Variants in RSRC1 observed in about 807,000 individuals in gnomAD.
The protein encoded by RSRC1 is serine/Arginine-related protein 53.
Under a neutral mutation model 49.1 loss-of-function variants are expected in RSRC1, and 39 were observed. The ratio of observed to expected loss-of-function variants is 0.79; its 90% CI spans 0.61 to 1.04. RSRC1 has a LOEUF of 1.04. RSRC1 is among the 50% of genes least tolerant of loss of function. The pLI is 0.00. For synonymous variants in RSRC1, 143 were observed against 130.8 expected (o/e 1.09, Z -0.63); for missense variants, 388 against 402.4 (o/e 0.96, Z 0.31).
intron 3 of RSRC1, among the ~76,000 whole-genome samples, chr3:158,163,481 G>A (rs1192937740): frequency 1.3e-5 from 2 of 152,164 alleles, no homozygotes; most frequent in East Asian, 1.9e-4. Flanking sequence ...TAGAAGATAG[G>A]TACAGCAAAA....
At chr3:158,256,289 G>A (rs1333107888) in intron 4 of RSRC1, among the ~76,000 whole-genome samples, 2 of 152,038 alleles carry the variant, frequency 1.3e-5, no homozygotes, top group African/African-American at 4.8e-5. Context: ...GAATTTTGTC[G>A]ATGGCCTTTT....
rs185988880 is a variant in RSRC1, at chr3:158,341,168, A to G, written c.532-13689A>G. On this transcript the variant is annotated intron_variant, in intron 5 of 9. Coordinates refer to ENST00000611884, the MANE Select transcript of RSRC1 (RefSeq NM_001271838.2). ...GCCTGACTACGCAATAGAAAAAAAA[A>G]CATTCTCTGGGGAGAAATTCAAGCT... Among the ~76,000 whole-genome samples, 349 of 152,304 alleles carry G rather than the reference A, an allele frequency of 2.3e-3. 1 individual carries two copies. Among genetic ancestry groups the G allele is most frequent in the Admixed American group, 3.9e-3 (59 of 15,308 alleles).
At chr3:158,251,114 GA>G (rs1724187937) in intron 4 of RSRC1, among the ~76,000 whole-genome samples, 1 of 152,068 alleles carries the variant, frequency 6.6e-6, no homozygotes, top group Non-Finnish European at 1.5e-5. Flanking sequence ...CACCTTTGTT[GA>G]AAATGAGTTC....
chr3:158,518,148 ATT>A (rs72132266), intron 7 of RSRC1, among the ~76,000 whole-genome samples: 3,175 of 43,778 alleles, frequency 0.073, 87 homozygotes, highest in Middle Eastern at 0.17. Flanking sequence ...ATATATATAT[ATT>A]TTTTTTTTTT....
At chr3:158,218,690 G>A (rs555743614) in intron 4 of RSRC1, among the ~76,000 whole-genome samples, 5 of 151,574 alleles carry the variant, frequency 3.3e-5, no homozygotes, top group Admixed American at 3.3e-4. Context: ...AACTCTTTAG[G>A]TATTTTACTT....
intron 5 of RSRC1, among the ~76,000 whole-genome samples, chr3:158,324,214 A>G (rs1363359800): frequency 7.0e-6 from 1 of 143,044 alleles, no homozygotes; most frequent in Non-Finnish European, 1.5e-5. Flanking sequence ...AGATATCAAC[A>G]TGGTGAGCAT....
chr3:158,491,199 G>A (rs1348313556), intron 7 of RSRC1, among the ~76,000 whole-genome samples: 1 of 152,102 alleles, frequency 6.6e-6, no homozygotes, highest in Admixed American at 6.6e-5. Flanking sequence ...AGAAGAAAGA[G>A]GTGTAAAATA....
intron 7 of RSRC1, among the ~76,000 whole-genome samples, chr3:158,514,769 A>C (rs1394404603): frequency 3.3e-5 from 5 of 151,864 alleles, no homozygotes; most frequent in African/African-American, 1.2e-4. Context: ...TTTGTAGGTC[A>C]CTCAGGACTT....
At chr3:158,179,281 G>A (rs1719442955) in intron 3 of RSRC1, among the ~76,000 whole-genome samples, 1 of 152,068 alleles carries the variant, frequency 6.6e-6, no homozygotes, top group African/African-American at 2.4e-5. Context: ...ATAATATTTT[G>A]CAAAACTGTA....
chr3:158,487,946 CAAGAA>C (rs1371903067), intron 7 of RSRC1, among the ~76,000 whole-genome samples: 2 of 11,484 alleles, frequency 1.7e-4, no homozygotes, highest in Non-Finnish European at 2.5e-4. Context: ...GACTCCATCT[CAAGAA>C]AAAAAAAAAA....
intron 7 of RSRC1, among the ~76,000 whole-genome samples, chr3:158,487,946 CAAGAAAAAAAA>C (rs1033590488): frequency 8.7e-5 from 1 of 11,478 alleles, no homozygotes; most frequent in Non-Finnish European, 1.3e-4. Flanking sequence ...GACTCCATCT[CAAGAAAAAAAA>C]AAAAAAAAAA....
At chr3:158,388,671 G>A (rs558874757) in intron 6 of RSRC1, among the ~76,000 whole-genome samples, 3 of 150,724 alleles carry the variant, frequency 2.0e-5, no homozygotes, top group South Asian at 2.1e-4. Context: ...ACGCAGTGGC[G>A]AGATCTCAGC....
intron 4 of RSRC1, among the ~76,000 whole-genome samples, chr3:158,267,763 A>G (rs1236694813): frequency 6.6e-6 from 1 of 151,656 alleles, no homozygotes; most frequent in Non-Finnish European, 1.5e-5. Flanking sequence ...TAAACAATTT[A>G]TAATAGCTGC....
chr3:158,307,895 A>C (rs1381543341), intron 5 of RSRC1, among the ~76,000 whole-genome samples: 1 of 151,910 alleles, frequency 6.6e-6, no homozygotes, highest in Non-Finnish European at 1.5e-5. Context: ...GAATCTTTTA[A>C]TTTAATAATA....
At chr3:158,522,505 T>A (rs1052315050) in intron 7 of RSRC1, among the ~76,000 whole-genome samples, 3 of 152,100 alleles carry the variant, frequency 2.0e-5, no homozygotes, top group African/African-American at 7.2e-5. Context: ...AATATGGCAT[T>A]TAGGGCTTGT....
intron 7 of RSRC1, among the ~76,000 whole-genome samples, chr3:158,516,830 C>G (rs926108299): frequency 6.6e-6 from 1 of 152,206 alleles, no homozygotes; most frequent in Non-Finnish European, 1.5e-5. Context: ...CGGAAAAGTG[C>G]GGTATTCAGG....
intron 4 of RSRC1, among the ~76,000 whole-genome samples, chr3:158,266,077 A>T (rs1298093341): frequency 1.3e-5 from 2 of 152,176 alleles, no homozygotes; most frequent in East Asian, 1.9e-4. Flanking sequence ...CATCCATACC[A>T]ACAGTATAGT....
At chr3:158,390,814 A>C (rs1023744319) in intron 6 of RSRC1, among the ~76,000 whole-genome samples, 3 of 152,158 alleles carry the variant, frequency 2.0e-5, no homozygotes, top group Admixed American at 1.3e-4. Context: ...ATTTGTGCGC[A>C]TTGTAATTTT....
In RSRC1 at chr3:158,215,029, G is replaced by A. The variant is rs574870947; in HGVS notation, c.494+11784G>A. Among the ~76,000 whole-genome samples, 30 of 94,058 alleles carry A rather than the reference G, an allele frequency of 3.2e-4. 1 individual carries two copies. The highest frequency in any genetic ancestry group is 4.7e-4 in the Admixed American group (4 of 8,422). 61.7% of individuals were successfully genotyped at this position (94,058 alleles called of 152,430 possible). A position where few individuals can be genotyped will look rare whatever the true frequency, so the allele number is the denominator to read the frequency against. Reference sequence around the variant, plus strand: ...TAACTATAATTCTGTATTTTGTTACGTCAGATTTTGCTTTGTGTATTTTTT... The same window carrying A: ...TAACTATAATTCTGTATTTTGTTACATCAGATTTTGCTTTGTGTATTTTTT... On this transcript the variant is annotated intron_variant, in intron 4 of 9. Coordinates refer to ENST00000611884, the MANE Select transcript of RSRC1 (RefSeq NM_001271838.2).
Sources: gnomAD v4.1 joint callset for allele counts (sites outside exome capture counted in the v4.1 genomes callset) on GRCh38, gnomAD v4.1.1 for gene constraint, MANE v1.5 for transcripts, NCBI Gene and HGNC (gene_info 2026-07-23, HGNC 2026-07-21) for gene names.